Variants in SDSL observed in about 807,000 individuals in gnomAD.
The protein encoded by SDSL is serine dehydratase like.
SDSL carries 26 observed loss-of-function variants against 27.6 expected under a neutral mutation model. That is an observed-to-expected ratio of 0.94 (90% CI 0.69 to 1.31). The LOEUF (loss-of-function observed/expected upper bound fraction) is 1.31. Ranked by LOEUF, SDSL falls within the 50% of genes most tolerant of loss-of-function variation. SDSL has a pLI of 0.00. For synonymous variants in SDSL, 196 were observed against 180.6 expected (o/e 1.09, Z -0.69); for missense variants, 431 against 423.5 (o/e 1.02, Z -0.16).
At chr12:113,430,729 GAGAA>G (rs2136954287) in intron 4 of SDSL, among the ~76,000 whole-genome samples, 1 of 152,256 alleles carries the variant, frequency 6.6e-6, no homozygotes, top group African/African-American at 2.4e-5. Flanking sequence ...CCACTCTAGT[GAGAA>G]GAACAGCAAA....
At chr12:113,423,554 ACAACTCAG>A (rs1022953385) in intron 1 of SDSL, among the ~76,000 whole-genome samples, 8 of 152,152 alleles carry the variant, frequency 5.3e-5, no homozygotes, top group African/African-American at 1.9e-4. Flanking sequence ...ACCAGCCTGG[ACAACTCAG>A]CAAAACTGCA....
At chr12:113,432,337 T>G (rs1291337140) in intron 4 of SDSL, among the ~76,000 whole-genome samples, 1 of 151,586 alleles carries the variant, frequency 6.6e-6, no homozygotes, top group Non-Finnish European at 1.5e-5. Flanking sequence ...TCTCTGTCTC[T>G]GTCTCTCTCT....
intron 4 of SDSL, among the ~76,000 whole-genome samples, chr12:113,433,548 A>G (rs573616445): frequency 1.5e-4 from 23 of 152,314 alleles, no homozygotes; most frequent in Non-Finnish European, 2.9e-4. Flanking sequence ...AGGGAAGGGA[A>G]GAAAGCCTGT....
At position 113,434,166 on chromosome 12, in the gene SDSL, G is replaced by A; in HGVS notation, c.387G>A (p.Glu129=). The change falls in exon 5 of 8, where the codon GAG becomes GAA. Residue 129 remains glutamate, a synonymous_variant. Transcript: ENST00000403593. ...VWDEANLRAQ[E]LAKRDGWENV... ...ACGAGGCCAATCTGAGGGCGCAAGA[G>A]TTGGCCAAGAGGGACGGCTGGGAGA... 1 of 1,613,788 alleles carries A rather than the reference G, an allele frequency of 6.2e-7. No individual in the cohort carries two copies. Among genetic ancestry groups the A allele is most frequent in the Non-Finnish European group, 8.5e-7 (1 of 1,179,788 alleles).
intron 1 of SDSL, 22 bp from the exon 2 acceptor site, chr12:113,427,940 G>C: frequency 6.3e-7 from 1 of 1,576,666 alleles, no homozygotes; most frequent in Non-Finnish European, 8.6e-7. Flanking sequence ...TGCCTGGGTG[G>C]TGACTTTGTG....
At chr12:113,429,524 A>G (rs1044437818) in intron 4 of SDSL, among the ~76,000 whole-genome samples, 2 of 152,174 alleles carry the variant, frequency 1.3e-5, no homozygotes, top group Admixed American at 6.5e-5. Context: ...TCATGTGTGA[A>G]CCAAGACAAA....
chr12:113,436,641 A>G, intron 6 of SDSL, 110 bp from the exon 7 acceptor site: 7 of 1,178,236 alleles, frequency 5.9e-6, no homozygotes, highest in Non-Finnish European at 7.9e-6. Flanking sequence ...CTGAGCTCCA[A>G]CCAGCCCATG....
intron 5 of SDSL, 146 bp from the exon 6 acceptor site, chr12:113,435,183 A>G (rs1957972317): frequency 3.8e-6 from 2 of 523,696 alleles, no homozygotes; most frequent in Non-Finnish European, 6.7e-6. Flanking sequence ...CTCTCCCCTC[A>G]CCGTGGATGG....
chr12:113,425,574 G>T, intron 1 of SDSL: 1 of 439,460 alleles, frequency 2.3e-6, no homozygotes. Flanking sequence ...TTCTGCCTGG[G>T]ACAAGAGGAG....
intron 4 of SDSL, among the ~76,000 whole-genome samples, chr12:113,432,262 TTCTTTCTTTCTTTCTTTCTTTC>T (rs1343811567): frequency 7.2e-6 from 1 of 138,054 alleles, no homozygotes; most frequent in African/African-American, 2.7e-5. Flanking sequence ...CTTTCTTTCT[TTCTTTCTTTCTTTCTTTCTTTC>T]TTTCTTTCTC....
chr12:113,429,331 G>T, intron 4 of SDSL, 32 bp downstream of exon 4: 1 of 1,587,824 alleles, frequency 6.3e-7, no homozygotes, highest in Non-Finnish European at 8.6e-7. Context: ...GAACCATCTG[G>T]GTGGGCTGCT....
At chr12:113,424,145 C>T (rs1202457995) in intron 1 of SDSL, among the ~76,000 whole-genome samples, 4 of 152,172 alleles carry the variant, frequency 2.6e-5, no homozygotes, top group Non-Finnish European at 5.9e-5. Flanking sequence ...GCCTCAGCCT[C>T]CCGAGTAGCT....
intron 1 of SDSL, among the ~76,000 whole-genome samples, chr12:113,424,082 A>AATGCAAC (rs1957821131): frequency 7.9e-5 from 12 of 152,048 alleles, no homozygotes; most frequent in Non-Finnish European, 1.5e-5. Flanking sequence ...ATCTCGGCTC[A>AATGCAAC]CTGCAACCTC....
chr12:113,427,819 C>G (rs936339280), intron 1 of SDSL, 143 bp from the exon 2 acceptor site: 10 of 701,390 alleles, frequency 1.4e-5, no homozygotes, highest in Non-Finnish European at 2.1e-5. Flanking sequence ...GTCACAGATA[C>G]TTGATGGGGG....
chr12:113,435,467 A>G lies in SDSL; in HGVS notation c.582A>G (p.Val194=). The change falls in exon 6 of 8, where the codon GTA becomes GTG. Residue 194 remains valine, a synonymous_variant. Coordinates refer to ENST00000403593, the MANE Select transcript of SDSL (RefSeq NM_001304993.2). ...TGCTGGAGGTGGGCTGGCAGCATGT[A>G]CCCATCATTGCCATGGAGACCCATG... The part of the protein sequence containing the change: ...AGLLEVGWQH[V]PIIAMETHGA... The G allele has an allele frequency of 6.2e-7, 1 of 1,613,962 alleles. No homozygotes were observed. Among genetic ancestry groups the G allele is most frequent in the Non-Finnish European group, 8.5e-7 (1 of 1,179,952 alleles).
At chr12:113,429,424 G>GCTATCCTGA in intron 4 of SDSL, 125 bp downstream of exon 4, 4 of 1,076,838 alleles carry the variant, frequency 3.7e-6, no homozygotes, top group Non-Finnish European at 5.3e-6. Flanking sequence ...TCCTCTCTCA[G>GCTATCCTGA]GATAGCTGAG....
chr12:113,427,604 C>A (rs1000537715), intron 1 of SDSL, among the ~76,000 whole-genome samples: 1 of 152,154 alleles, frequency 6.6e-6, no homozygotes, highest in African/African-American at 2.4e-5. Context: ...TTTTATGACT[C>A]GTGGGTCCCC....
intron 3 of SDSL, among the ~76,000 whole-genome samples, chr12:113,428,729 G>A (rs1957882035): frequency 6.6e-6 from 1 of 152,102 alleles, no homozygotes. Context: ...TCAGGCACAG[G>A]GGGATCCAGG....
chr12:113,428,012 G>A lies in SDSL; in HGVS notation c.30G>A (p.Lys10=). 1 of 1,613,340 alleles carries A rather than the reference G, an allele frequency of 6.2e-7. No individual in the cohort carries two copies. The highest frequency in any genetic ancestry group is 8.5e-7 in the Non-Finnish European group (1 of 1,179,728). Residue 10 remains lysine (K), a synonymous_variant, in exon 2 of 8, where the codon AAG becomes AAA. Transcript: ENST00000403593. MDGPVAEHA[K]QEPFHVVTPL... is the part of the protein sequence containing the mutation. Reference sequence around the variant, plus strand: ...ACGGCCCTGTGGCAGAGCATGCCAAGCAGGAGCCCTTTCACGTGGTCACAC... The same window carrying A: ...ACGGCCCTGTGGCAGAGCATGCCAAACAGGAGCCCTTTCACGTGGTCACAC...
Sources: gnomAD v4.1 joint callset for allele counts (sites outside exome capture counted in the v4.1 genomes callset) on GRCh38, gnomAD v4.1.1 for gene constraint, MANE v1.5 for transcripts, NCBI Gene and HGNC (gene_info 2026-07-23, HGNC 2026-07-21) for gene names.